Variants in THADA observed in about 807,000 individuals in gnomAD.
THADA encodes the protein tRNA (32-2'-O)-methyltransferase regulator THADA.
Under a neutral mutation model 219.8 loss-of-function variants are expected in THADA, and 213 were observed. That is an observed-to-expected ratio of 0.97 (90% CI 0.87 to 1.09). The LOEUF (loss-of-function observed/expected upper bound fraction) is 1.09, where lower values mean the gene tolerates loss of function less well. Among genes scored for constraint, THADA ranks in the 50% least tolerant of loss-of-function variants. The pLI is 0.00. For missense variants in THADA, 2,956 were observed against 2,311.3 expected, an observed-to-expected ratio of 1.28 and a Z score of -5.72; for synonymous variants, 1,018 against 828.9, an observed-to-expected ratio of 1.23 and a Z score of -3.92.
intron 7 of THADA, among the ~76,000 whole-genome samples, chr2:43,585,168 C>G (rs1456088655): frequency 6.6e-6 from 1 of 152,002 alleles, no homozygotes; most frequent in Non-Finnish European, 1.5e-5. Context: ...GTCAACTCCA[C>G]TCAATAGGCG....
intron 25 of THADA, among the ~76,000 whole-genome samples, chr2:43,490,879 T>G (rs1687549667): frequency 6.6e-6 from 1 of 152,028 alleles, no homozygotes; most frequent in African/African-American, 2.4e-5. Flanking sequence ...CTCCTCAAAT[T>G]TGAGGAGGGG....
intron 29 of THADA, among the ~76,000 whole-genome samples, chr2:43,352,460 AG>A (rs1471899060): frequency 6.6e-6 from 1 of 152,128 alleles, no homozygotes; most frequent in Non-Finnish European, 1.5e-5. Flanking sequence ...TGGGAGACTG[AG>A]GCAGGAGAAT....
At chr2:43,592,288 T>C (rs1701660415) in intron 2 of THADA, 29 bp downstream of exon 2, 1 of 1,535,268 alleles carries the variant, frequency 6.5e-7, no homozygotes, top group Non-Finnish European at 8.8e-7. Flanking sequence ...TAGAAAAAAA[T>C]ATAATAAGGG....
At chr2:43,277,614 G>A (rs1397364018) in intron 36 of THADA, among the ~76,000 whole-genome samples, 2 of 151,990 alleles carry the variant, frequency 1.3e-5, no homozygotes, top group African/African-American at 4.8e-5. Context: ...GGAGATCTCA[G>A]AGGTGTGGAG....
At chr2:43,235,958 C>T (rs1197617192) in intron 36 of THADA, among the ~76,000 whole-genome samples, 2 of 152,172 alleles carry the variant, frequency 1.3e-5, no homozygotes, top group Admixed American at 6.5e-5. Context: ...AGGCACCCGC[C>T]ACCACGCCCG....
At chr2:43,460,066 C>T (rs1683442944) in intron 26 of THADA, among the ~76,000 whole-genome samples, 1 of 151,806 alleles carries the variant, frequency 6.6e-6, no homozygotes, top group South Asian at 2.1e-4. Flanking sequence ...AAGGTTGATA[C>T]TGGAAAAGTC....
intron 29 of THADA, among the ~76,000 whole-genome samples, chr2:43,351,488 T>A (rs1028148486): frequency 7.9e-5 from 12 of 152,158 alleles, no homozygotes; most frequent in African/African-American, 2.9e-4. Context: ...CTCCCCAGCT[T>A]TCCTCAACTA....
chr2:43,286,586 C>G (rs1317077815), intron 35 of THADA, among the ~76,000 whole-genome samples: 1 of 151,916 alleles, frequency 6.6e-6, no homozygotes, highest in Non-Finnish European at 1.5e-5. Context: ...ACTAAAAATA[C>G]AAAAATTAGC....
intron 14 of THADA, among the ~76,000 whole-genome samples, chr2:43,568,806 G>C (rs1698966197): frequency 6.6e-6 from 1 of 152,084 alleles, no homozygotes; most frequent in Non-Finnish European, 1.5e-5. Flanking sequence ...ACTTTGGGAG[G>C]TGGAGTGGGG....
intron 31 of THADA, among the ~76,000 whole-genome samples, chr2:43,312,717 G>GTTT (rs1276809031): frequency 4.7e-5 from 6 of 126,350 alleles, no homozygotes; most frequent in Admixed American, 1.6e-4. Context: ...AACAAAGCCT[G>GTTT]TTTTTTTTTT....
intron 25 of THADA, among the ~76,000 whole-genome samples, chr2:43,490,801 A>T (rs1019232327): frequency 1.3e-5 from 2 of 152,152 alleles, no homozygotes; most frequent in South Asian, 2.1e-4. Context: ...GTATAGGAAA[A>T]AACAGAATCC....
intron 26 of THADA, among the ~76,000 whole-genome samples, chr2:43,468,828 C>A (rs1280952922): frequency 6.6e-6 from 1 of 152,096 alleles, no homozygotes; most frequent in Admixed American, 6.6e-5. Flanking sequence ...CACATTTATT[C>A]CTCACAACTC....
At chr2:43,262,439 ATGGGGCC>A (rs58153894) in intron 36 of THADA, among the ~76,000 whole-genome samples, 36,613 of 151,722 alleles carry the variant, frequency 0.24, 5,110 homozygotes, top group African/African-American at 0.39. Flanking sequence ...CAGAAGAAGC[ATGGGGCC>A]TGGGGCCTGG....
intron 15 of THADA, chr2:43,563,804 T>A (rs1421251396): frequency 6.6e-6 from 1 of 152,168 alleles, no homozygotes; most frequent in East Asian, 1.9e-4. Context: ...GAGATGATAA[T>A]GAAGGATGAA....
At chr2:43,370,441 C>T (rs1558652680) in intron 29 of THADA, among the ~76,000 whole-genome samples, 1 of 152,134 alleles carries the variant, frequency 6.6e-6, no homozygotes, top group Non-Finnish European at 1.5e-5. Context: ...TACAGCAACA[C>T]CGTTCTCACA....
chr2:43,516,980 C>T (rs561108790), intron 22 of THADA, among the ~76,000 whole-genome samples: 1 of 152,142 alleles, frequency 6.6e-6, no homozygotes, highest in Non-Finnish European at 1.5e-5. Flanking sequence ...AAGATATTAA[C>T]TTCCTGATCA....
intron 26 of THADA, among the ~76,000 whole-genome samples, chr2:43,471,929 T>C (rs1402538959): frequency 1.3e-5 from 2 of 152,168 alleles, no homozygotes; most frequent in East Asian, 3.9e-4. Flanking sequence ...TAATACATAA[T>C]GAAGATATTA....
intron 37 of THADA, 65 bp downstream of exon 37, chr2:43,232,648 G>A (rs1667572508): frequency 5.9e-6 from 9 of 1,530,842 alleles, no homozygotes; most frequent in Non-Finnish European, 8.1e-6. Context: ...GGCTGTAGGT[G>A]CTGCATCTAG....
At chr2:43,567,230 G>A (rs185371301) in intron 14 of THADA, among the ~76,000 whole-genome samples, 123 of 152,190 alleles carry the variant, frequency 8.1e-4, no homozygotes, top group African/African-American at 2.8e-3. Context: ...AGCCCTAAGA[G>A]TTTATTAGGT....
Sources: allele counts gnomAD v4.1 joint callset (sites outside exome capture counted in the v4.1 genomes callset), GRCh38; gene constraint gnomAD v4.1.1; transcripts MANE v1.5; gene names NCBI Gene and HGNC (gene_info 2026-07-23, HGNC 2026-07-21).